SLC5A11: variants seen among roughly 807,000 people sequenced by gnomAD.
SLC5A11 encodes the protein sodium/myo-inositol cotransporter 2.
A neutral mutation model predicts 69.8 loss-of-function variants in SLC5A11; 48 were observed. The ratio of observed to expected loss-of-function variants is 0.69; its 90% CI spans 0.55 to 0.87. SLC5A11 has a LOEUF of 0.87. Ranked by LOEUF, SLC5A11 falls within the 40% of genes least tolerant of loss-of-function variation. SLC5A11 has a pLI of 0.00. For synonymous variants in SLC5A11, 319 were observed against 342.4 expected, an observed-to-expected ratio of 0.93 and a Z score of 0.75; for missense variants, 784 against 866.1, an observed-to-expected ratio of 0.91 and a Z score of 1.19.
chr16:24,854,112 C>T (rs2059426385), intron 1 of SLC5A11, among the ~76,000 whole-genome samples: 2 of 152,284 alleles, frequency 1.3e-5, no homozygotes, highest in African/African-American at 2.4e-5. Context: ...ACTGCTCTCT[C>T]GGTGCCTGGC....
chr16:24,864,649 G>C (rs2046807765), intron 3 of SLC5A11, among the ~76,000 whole-genome samples: 1 of 152,146 alleles, frequency 6.6e-6, no homozygotes. Context: ...TCAATAGAAA[G>C]TGTCCCTGAA....
intron 15 of SLC5A11, 79 bp downstream of exon 16, chr16:24,910,556 T>C: frequency 6.9e-7 from 1 of 1,444,784 alleles, no homozygotes; most frequent in Non-Finnish European, 9.2e-7. Context: ...TCCTATCAAA[T>C]CACAAGCCAG....
At chr16:24,878,746 T>C (rs2047848635) in intron 7 of SLC5A11, among the ~76,000 whole-genome samples, 1 of 152,066 alleles carries the variant, frequency 6.6e-6, no homozygotes, top group East Asian at 1.9e-4. Context: ...CAATAAATAA[T>C]GTTAGGCCAG....
chr16:24,870,862 G>A (rs981161331), intron 4 of SLC5A11, among the ~76,000 whole-genome samples: 17 of 151,074 alleles, frequency 1.1e-4, no homozygotes, highest in Non-Finnish European at 2.2e-4. Flanking sequence ...GAAAGATGGT[G>A]AAGACTGAAG....
intron 5 of SLC5A11, among the ~76,000 whole-genome samples, chr16:24,873,789 G>A (rs973173012): frequency 3.3e-5 from 5 of 150,984 alleles, no homozygotes; most frequent in Non-Finnish European, 4.4e-5. Context: ...ACTTTTTTTG[G>A]TGAAGGGTGG....
intron 7 of SLC5A11, 77 bp from the exon 9 acceptor site, chr16:24,883,974 C>T: frequency 7.2e-7 from 1 of 1,386,058 alleles, no homozygotes; most frequent in Non-Finnish European, 1.0e-6. Context: ...TCCTGGCCTT[C>T]CAGGTTCCCT....
At chr16:24,896,954 T>C in intron 9 of SLC5A11, among the ~76,000 whole-genome samples, 1 of 136,880 alleles carries the variant, frequency 7.3e-6, no homozygotes, top group African/African-American at 2.8e-5. Flanking sequence ...TTTTTTTTTT[T>C]TTTTTTTTTT....
intron 5 of SLC5A11, among the ~76,000 whole-genome samples, 196 bp downstream of exon 6, chr16:24,872,415 C>T (rs1396839668): frequency 2.0e-5 from 3 of 152,100 alleles, no homozygotes; most frequent in African/African-American, 4.8e-5. Context: ...GCACTTCCTG[C>T]CAGTACCCAA....
At chr16:24,872,347 G>C in intron 5 of SLC5A11, 128 bp downstream of exon 6, 2 of 1,092,404 alleles carry the variant, frequency 1.8e-6, no homozygotes, top group Non-Finnish European at 2.8e-6. Flanking sequence ...GCCACTCAGA[G>C]GCCCCAGTAA....
At chr16:24,875,494 A>T in intron 5 of SLC5A11, 133 bp from the exon 7 acceptor site, 1 of 699,420 alleles carries the variant, frequency 1.4e-6, no homozygotes, top group Admixed American at 2.3e-5. Flanking sequence ...CTTAAGTATC[A>T]GGTTGAGAAT....
rs1364303737 is a variant in SLC5A11, at chr16:24,875,617, T to C, written c.373-10T>C. The C allele has an allele frequency of 6.2e-7, 1 of 1,611,792 alleles. No individual in the cohort carries two copies. On this transcript the variant is annotated splice_polypyrimidine_tract_variant and intron_variant, in intron 5 of 15. Transcript: ENST00000347898. ...TCCGCTGGTGGTGAAATCTCAGCTC[T>C]GGCCCTCAGGTCACCACGATGCCAG...
exon 11 of SLC5A11, chr16:24,906,660 A>G (rs751136619): frequency 1.2e-6 from 2 of 1,604,024 alleles, no homozygotes; most frequent in South Asian, 2.2e-5. Flanking sequence ...TTCGTAGATC[A>G]AGTGGCCTGT....
chr16:24,901,308 T>C (rs1457603624), intron 10 of SLC5A11, among the ~76,000 whole-genome samples: 1 of 152,136 alleles, frequency 6.6e-6, no homozygotes, highest in East Asian at 1.9e-4. Flanking sequence ...ATGAGGAAAT[T>C]GAAGCTTAGA....
intron 1 of SLC5A11, 101 bp from the exon 3 acceptor site, chr16:24,858,519 C>A: frequency 9.7e-7 from 1 of 1,026,694 alleles, no homozygotes; most frequent in Non-Finnish European, 1.4e-6. Context: ...CATCCCTCCA[C>A]ATGGGTCCTC....
chr16:24,896,942 CTTTT>C (rs869210839), intron 9 of SLC5A11, among the ~76,000 whole-genome samples: 19,738 of 97,154 alleles, frequency 0.2, 2,706 homozygotes, highest in South Asian at 0.42. Flanking sequence ...AACCTCCTTC[CTTTT>C]TTTTTTTTTT....
chr16:24,880,280 C>A (rs182781749), intron 7 of SLC5A11, among the ~76,000 whole-genome samples: 1 of 152,156 alleles, frequency 6.6e-6, no homozygotes, highest in South Asian at 2.1e-4. Context: ...GAAGTAAGCA[C>A]GTCCTACCAT....
At chr16:24,878,474 TAA>T (rs2047831286) in intron 7 of SLC5A11, among the ~76,000 whole-genome samples, 2 of 152,228 alleles carry the variant, frequency 1.3e-5, no homozygotes. Context: ...TGGCTTGATA[TAA>T]CTCATTCCAT....
intron 9 of SLC5A11, among the ~76,000 whole-genome samples, chr16:24,893,291 AAATTAATT>A (rs55990088): frequency 6.8e-6 from 1 of 146,518 alleles, no homozygotes. Context: ...CCATCTCAAA[AAATTAATT>A]AATTAATTAA....
Position 24,870,657 on chromosome 16 carries a change from G to A in SLC5A11, c.312+652G>A, listed in dbSNP as rs1448336152. On this transcript the variant is annotated intron_variant, in intron 4 of 15. Coordinates refer to ENST00000347898, the Ensembl canonical transcript of SLC5A11. The stretch of plus-strand genomic sequence containing the variant: ...TAGCCAGGCTTGGTGGTGCATGCCT[G>A]TAATCCTAGCTACTCAGGAGGCTGA... 4.0e-5 allele frequency among the ~76,000 whole-genome samples: 6 copies of A among 151,658 alleles called. No homozygotes were observed. The East Asian group carries it at 7.8e-4, about 20-fold the overall frequency.
Sources: allele counts gnomAD v4.1 joint callset (sites outside exome capture counted in the v4.1 genomes callset), GRCh38; gene constraint gnomAD v4.1.1; transcripts MANE v1.5; gene names NCBI Gene and HGNC (gene_info 2026-07-23, HGNC 2026-07-21).